RSF1: variants seen among roughly 807,000 people sequenced by gnomAD.
RSF1 encodes the protein remodeling and spacing factor 1.
In RSF1, 13 loss-of-function variants were observed where a neutral mutation model predicts 145.2. The ratio of observed to expected loss-of-function variants is 0.09; its 90% confidence interval spans 0.06 to 0.14. RSF1 has a LOEUF of 0.14. RSF1 is among the 10% of genes least tolerant of loss of function. The pLI is 1.00. For synonymous variants in RSF1, 577 were observed against 592.6 expected, an observed-to-expected ratio of 0.97 and a Z score of 0.38; for missense variants, 1,517 against 1,718.2, an observed-to-expected ratio of 0.88 and a Z score of 2.07.
intron 1 of RSF1, among the ~76,000 whole-genome samples, chr11:77,781,643 A>T (rs573808294): frequency 6.6e-6 from 1 of 152,214 alleles, no homozygotes; most frequent in Non-Finnish European, 1.5e-5. Flanking sequence ...AGTCATTTTT[A>T]AAGAATGTTT....
upstream of RSF1, among the ~76,000 whole-genome samples, chr11:77,822,942 G>T (rs1948985724): frequency 6.6e-6 from 1 of 152,150 alleles, no homozygotes. Flanking sequence ...TCCGCCGGGC[G>T]CTGTGGCTCA....
At chr11:77,832,951 ATGTGTG>A in the RSF1 span, among the ~76,000 whole-genome samples, 951 of 68,390 alleles carry the variant, frequency 0.014, 78 homozygotes, top group African/African-American at 0.036. Flanking sequence ...GTATATATAT[ATGTGTG>A]TGTGTGTGTG....
chr11:77,813,446 C>A (rs1046914820), intron 1 of RSF1: 29 of 1,210,832 alleles, frequency 2.4e-5, no homozygotes, highest in Non-Finnish European at 3.1e-5. Context: ...TGGAAAGGAT[C>A]CCACGTCTTA....
chr11:77,666,640 C>A lies in RSF1; in HGVS notation c.*277G>T, dbSNP rs1025678325. ...AATATAAAGTCAAAAATATACAAATCTTTGTTGTTATTATAATAAGATTTT... is the reference window on the plus strand; with the variant it reads ...AATATAAAGTCAAAAATATACAAATATTTGTTGTTATTATAATAAGATTTT... On this transcript the variant is annotated 3_prime_UTR_variant, in exon 16 of 16. Transcript: ENST00000308488. 1.2e-5 allele frequency: 3 copies of A among 259,234 alleles called. No individual in the cohort carries two copies. The highest frequency in any genetic ancestry group is 2.2e-5 in the Non-Finnish European group (3 of 138,372). The allele number at this position is 259,234 out of a possible 1,614,324, so 16.1% of individuals were successfully genotyped here.
rs558561384 is a variant in RSF1 at position 77,782,913 on chromosome 11, G to C, written c.188-18224C>G. ...CCCAAACTAAAATTATTTGTTTAAT[G>C]CAATAACTGATATAACTGAGTTAAA... On this transcript the variant is annotated intron_variant, in intron 1 of 15. Coordinates refer to ENST00000308488, the MANE Select transcript of RSF1 (RefSeq NM_016578.4). Among the ~76,000 whole-genome samples the C allele has an allele frequency of 1.1e-4, 16 of 152,264 alleles. No individual in the cohort carries two copies. The South Asian group carries it at 1.7e-3, about 16-fold the overall frequency.
intron 1 of RSF1, among the ~76,000 whole-genome samples, chr11:77,806,500 A>G (rs961376756): frequency 3.3e-5 from 5 of 151,832 alleles, no homozygotes; most frequent in Non-Finnish European, 7.4e-5. Context: ...ACATAGCAAC[A>G]CCCATCTCTA....
chr11:77,856,909 C>T, the RSF1 span, among the ~76,000 whole-genome samples: 5 of 152,226 alleles, frequency 3.3e-5, no homozygotes, highest in East Asian at 7.7e-4. Context: ...AAGTTGAAAA[C>T]AGAATACAAG....
chr11:77,661,832 C>T lies in RSF1; in HGVS notation c.*5085G>A, dbSNP rs1424239918. On this transcript the variant is annotated 3_prime_UTR_variant, in exon 16 of 16. Transcript: ENST00000308488. ...GAAGGTTTTGAGCCATGAAGTTCCC[C>T]AATAACTATGTTCTGGCTGTTCATG... The T allele has an allele frequency of 6.6e-6, 1 of 151,540 alleles. No homozygotes were observed. Among genetic ancestry groups the T allele is most frequent in the East Asian group, 1.9e-4 (1 of 5,172 alleles). The allele number at this position is 151,540 out of a possible 1,614,324, so 9.4% of individuals were successfully genotyped here. A position where few individuals can be genotyped will look rare whatever the true frequency, so the allele number is the denominator to read the frequency against.
Position 77,700,817 on chromosome 11 carries a change from T to A in RSF1, c.2412A>T (p.Glu804Asp), listed in dbSNP as rs1157632084. The A allele has an allele frequency of 6.2e-7, 1 of 1,613,046 alleles. No individual in the cohort carries two copies. The highest frequency in any genetic ancestry group is 8.5e-7 in the Non-Finnish European group (1 of 1,179,980). Residue 804 changes from glutamate to aspartate, a missense_variant, in exon 6 of 16, where the codon GAA becomes GAT. This residue lies in a region of RSF1 where 579 missense variants were observed against 553.5 expected (regional missense o/e 1.05). Coordinates refer to ENST00000308488, the MANE Select transcript of RSF1 (RefSeq NM_016578.4). The stretch of plus-strand genomic sequence containing the variant: ...CTGTTGACTCTTCTTCCACCTCATC[T>A]TCTCCTTCCCCTCTTTTTTTATCAG... Reference protein sequence around the residue: ...QKADKKRGEGEDEVEEESTAL... With the variant: ...QKADKKRGEGDDEVEEESTAL...
At chr11:77,779,389 T>G (rs1466513216) in intron 1 of RSF1, among the ~76,000 whole-genome samples, 1 of 151,652 alleles carries the variant, frequency 6.6e-6, no homozygotes, top group African/African-American at 2.4e-5. Context: ...AAAAAATTTT[T>G]TTTTTTTTTT....
In RSF1 at chr11:77,724,155, G is replaced by T. The variant is rs939655238; in HGVS notation, c.733+1390C>A. Among the ~76,000 whole-genome samples, 3 of 152,124 alleles carry T rather than the reference G, an allele frequency of 2.0e-5. No homozygotes were observed. In the East Asian group the frequency reaches 5.8e-4, roughly 29 times the overall value. On this transcript the variant is annotated intron_variant, in intron 5 of 15. Transcript: ENST00000308488. ...TGGCCAATAAACACTTGAAAAGATA[G>T]ATGCTTAACATCACTTGTCATTAGG...
At chr11:77,866,029 C>T in the RSF1 span, among the ~76,000 whole-genome samples, 2 of 152,230 alleles carry the variant, frequency 1.3e-5, no homozygotes, top group African/African-American at 4.8e-5. Flanking sequence ...ATCCTTTAAA[C>T]TTCACTCACA....
intron 4 of RSF1, among the ~76,000 whole-genome samples, chr11:77,731,238 G>A (rs1291858459): frequency 2.6e-5 from 4 of 152,188 alleles, no homozygotes; most frequent in African/African-American, 4.8e-5. Flanking sequence ...GCAGAGACTG[G>A]TGGCCTTTTC....
At chr11:77,714,134 T>A (rs531773253) in intron 5 of RSF1, among the ~76,000 whole-genome samples, 9 of 152,348 alleles carry the variant, frequency 5.9e-5, no homozygotes, top group African/African-American at 2.2e-4. Context: ...ACCTTCTTTT[T>A]GTTTGTCCTG....
rs183537034 is a variant in RSF1, at chr11:77,777,572, A to G, written c.188-12883T>C. 1.0e-3 allele frequency among the ~76,000 whole-genome samples: 159 copies of G among 152,316 alleles called. 1 individual carries two copies. The highest frequency in any genetic ancestry group is 3.7e-3 in the African/African-American group (155 of 41,586). ...GGCACCATTGCACTCCAGCCTGGGC[A>G]ACAAGAGCGAAACTCCGTCTCAAAA... On this transcript the variant is annotated intron_variant, in intron 1 of 15. Coordinates refer to ENST00000308488, the MANE Select transcript of RSF1 (RefSeq NM_016578.4).
At chr11:77,692,435 G>A (rs1474391254) in intron 8 of RSF1, among the ~76,000 whole-genome samples, 1 of 114,404 alleles carries the variant, frequency 8.7e-6, no homozygotes, top group Non-Finnish European at 1.7e-5. Flanking sequence ...TAGTAGAGAC[G>A]GGGTTTCACC....
At chr11:77,669,069 T>C (rs1008368638) in intron 15 of RSF1, among the ~76,000 whole-genome samples, 5 of 152,196 alleles carry the variant, frequency 3.3e-5, no homozygotes, top group African/African-American at 1.2e-4. Flanking sequence ...AGCCCTGTGG[T>C]CTCTACCAAC....
At chr11:77,794,544 TA>T (rs1029744049) in intron 1 of RSF1, among the ~76,000 whole-genome samples, 12 of 150,378 alleles carry the variant, frequency 8.0e-5, no homozygotes, top group South Asian at 6.3e-4. Flanking sequence ...AATAAAAGAT[TA>T]AAAAAAAACA....
At chr11:77,745,168 C>A (rs1305958707) in intron 3 of RSF1, among the ~76,000 whole-genome samples, 1 of 152,114 alleles carries the variant, frequency 6.6e-6, no homozygotes, top group Non-Finnish European at 1.5e-5. Context: ...AGTCTTCTCT[C>A]TTTCTTAGCC....
Sources: allele counts gnomAD v4.1 joint callset (sites outside exome capture counted in the v4.1 genomes callset), GRCh38; gene constraint gnomAD v4.1.1; regional missense constraint gnomAD v4.1.1; transcripts MANE v1.5; gene names NCBI Gene and HGNC (gene_info 2026-07-23, HGNC 2026-07-21).